The following CTNNA2 variants were observed in gnomAD, a reference collection of about 807,000 sequenced individuals.
CTNNA2 encodes catenin alpha 2, also known as catenin alpha-2.
A neutral mutation model predicts 101.0 loss-of-function variants in CTNNA2; 42 were observed. The observed-to-expected ratio is 0.42, with a 90% confidence interval of 0.32 to 0.54. The LOEUF (loss-of-function observed/expected upper bound fraction) is 0.54. Ranked by LOEUF, CTNNA2 falls within the 20% of genes least tolerant of loss-of-function variation. The probability of loss-of-function intolerance (pLI) is 0.14; values close to 1 mark genes in which losing one functional copy is unlikely to be tolerated. For synonymous variants in CTNNA2, 450 were observed against 456.4 expected, an observed-to-expected ratio of 0.99 and a Z score of 0.18; for missense variants, 871 against 1,223.1, an observed-to-expected ratio of 0.71 and a Z score of 4.29.
In CTNNA2 at chr2:79,949,256, G is replaced by A. The variant is rs1286571253; in HGVS notation, c.1056+39459G>A. 2.6e-5 allele frequency among the ~76,000 whole-genome samples: 4 copies of A among 152,140 alleles called. No homozygotes were observed. The East Asian group carries it at 7.7e-4, about 29-fold the overall frequency. On this transcript the variant is annotated intron_variant, in intron 7 of 18. Coordinates refer to ENST00000402739, the MANE Select transcript of CTNNA2 (RefSeq NM_001282597.3). ...GTTATGACCCCCAAGGCCTTGTTTA[G>A]ATTTGATGAAGGAATAACGTGCGTG...
intron 3 of CTNNA2, among the ~76,000 whole-genome samples, chr2:79,846,440 G>A (rs1451400905): frequency 2.6e-5 from 4 of 152,114 alleles, no homozygotes; most frequent in Non-Finnish European, 4.4e-5. Context: ...TCAGTGATGC[G>A]AGTATTATTC....
intron 2 of CTNNA2, among the ~76,000 whole-genome samples, chr2:79,215,147 C>G (rs1674234065): frequency 6.6e-6 from 1 of 152,114 alleles, no homozygotes; most frequent in Admixed American, 6.6e-5. Flanking sequence ...TCCAGGGGCT[C>G]TGGGAGTGGC....
chr2:79,782,244 T>C lies in CTNNA2; in HGVS notation c.298+37662T>C, dbSNP rs1033170764. Among the ~76,000 whole-genome samples the C allele has an allele frequency of 3.3e-5, 5 of 152,238 alleles. No individual in the cohort carries two copies. In the East Asian group the frequency reaches 9.7e-4, roughly 29 times the overall value. Reference sequence around the variant, plus strand: ...CTTGCCTTCTTTTATTTTTATATTTTATTTTTTTGGAGACTGAGTTTCACT... The same window carrying C: ...CTTGCCTTCTTTTATTTTTATATTTCATTTTTTTGGAGACTGAGTTTCACT... On this transcript the variant is annotated intron_variant, in intron 3 of 18. Transcript: ENST00000402739.
intron 4 of CTNNA2, among the ~76,000 whole-genome samples, chr2:79,427,106 G>T (rs1678599334): frequency 6.6e-6 from 1 of 151,856 alleles, no homozygotes; most frequent in South Asian, 2.1e-4. Context: ...TGAAGATATA[G>T]ATAATTCTGA....
At chr2:79,395,728 T>C (rs1260177870) in intron 4 of CTNNA2, among the ~76,000 whole-genome samples, 1 of 152,190 alleles carries the variant, frequency 6.6e-6, no homozygotes, top group Non-Finnish European at 1.5e-5. Flanking sequence ...AAAGCATTCC[T>C]ATCTGAGGAC....
At chr2:79,800,463 A>G (rs192867370) in intron 3 of CTNNA2, among the ~76,000 whole-genome samples, 3 of 152,266 alleles carry the variant, frequency 2.0e-5, no homozygotes, top group Non-Finnish European at 4.4e-5. Flanking sequence ...ATTTGTCAAT[A>G]CCTCAGTAAT....
chr2:79,559,976 T>G (rs1674676828), intron 1 of CTNNA2, among the ~76,000 whole-genome samples: 1 of 151,910 alleles, frequency 6.6e-6, no homozygotes, highest in African/African-American at 2.4e-5. Context: ...AGTTTGCCTG[T>G]GATCAAACAG....
At chr2:79,581,827 T>A (rs1210570501) in intron 1 of CTNNA2, among the ~76,000 whole-genome samples, 1 of 152,256 alleles carries the variant, frequency 6.6e-6, no homozygotes, top group African/African-American at 2.4e-5. Context: ...ATGTTTTAAA[T>A]TCTAAATGTT....
At chr2:79,742,880 T>C (rs1671388655) in intron 2 of CTNNA2, among the ~76,000 whole-genome samples, 1 of 152,216 alleles carries the variant, frequency 6.6e-6, no homozygotes, top group Admixed American at 6.5e-5. Flanking sequence ...AACCCTGCAC[T>C]AATCACCTCT....
At chr2:80,261,388 T>C (rs1672595299) in intron 7 of CTNNA2, among the ~76,000 whole-genome samples, 1 of 152,006 alleles carries the variant, frequency 6.6e-6, no homozygotes, top group South Asian at 2.1e-4. Flanking sequence ...TAGGTTAGAA[T>C]GTACCTCAGA....
intron 1 of CTNNA2, among the ~76,000 whole-genome samples, chr2:79,197,154 T>G (rs1673972016): frequency 6.6e-6 from 1 of 152,158 alleles, no homozygotes; most frequent in Admixed American, 6.5e-5. Context: ...TCCAGAGATA[T>G]GCACTATGTG....
intron 14 of CTNNA2, among the ~76,000 whole-genome samples, chr2:80,583,221 C>T (rs1695690822): frequency 1.3e-5 from 2 of 152,098 alleles, no homozygotes; most frequent in Admixed American, 6.6e-5. Context: ...AAATAATAGG[C>T]ACAATATTAG....
intron 4 of CTNNA2, among the ~76,000 whole-genome samples, chr2:79,435,528 T>C (rs114468909): frequency 1.9e-3 from 285 of 152,324 alleles, no homozygotes; most frequent in Non-Finnish European, 3.3e-3. Flanking sequence ...GAGATAAACC[T>C]GAAAAAGGTA....
At chr2:79,891,364 T>G (rs1351095387) in intron 6 of CTNNA2, among the ~76,000 whole-genome samples, 1 of 152,232 alleles carries the variant, frequency 6.6e-6, no homozygotes, top group Non-Finnish European at 1.5e-5. Context: ...CTCTAATTAA[T>G]TTGAATATAT....
At chr2:79,678,204 T>G (rs1039547060) in intron 2 of CTNNA2, among the ~76,000 whole-genome samples, 6 of 152,176 alleles carry the variant, frequency 3.9e-5, no homozygotes, top group African/African-American at 1.4e-4. Flanking sequence ...ACTCCTAATT[T>G]TAATGCTCCA....
chr2:80,249,579 A>T (rs1405045167), intron 7 of CTNNA2, among the ~76,000 whole-genome samples: 1 of 152,236 alleles, frequency 6.6e-6, no homozygotes, highest in Non-Finnish European at 1.5e-5. Context: ...TATATTAATT[A>T]AAAAAGAAGA....
At chr2:79,963,498 A>G (rs1689808858) in intron 7 of CTNNA2, among the ~76,000 whole-genome samples, 1 of 152,174 alleles carries the variant, frequency 6.6e-6, no homozygotes, top group Admixed American at 6.5e-5. Context: ...ATGCATCTCA[A>G]CACTGCATTC....
intron 7 of CTNNA2, among the ~76,000 whole-genome samples, chr2:80,040,699 C>T (rs912339760): frequency 2.6e-5 from 4 of 152,228 alleles, no homozygotes; most frequent in Admixed American, 2.6e-4. Context: ...GAATAATTCA[C>T]TCCCAGGCCT....
rs142677608 is a variant in CTNNA2 at position 79,199,603 on chromosome 2, C to A, written c.-406+1527C>A. Among the ~76,000 whole-genome samples the A allele has an allele frequency of 3.2e-3, 493 of 152,146 alleles. 3 individuals are homozygous for A. The highest frequency in any genetic ancestry group is 0.011 in the African/African-American group (476 of 41,492). ...CATTTTGTGGCGTTGGACTGACCAG[C>A]ACAAAAACTATATGAATAATAGTTG... is the stretch of plus-strand genomic sequence containing the variant. On this transcript the variant is annotated intron_variant, in intron 2 of 21. Coordinates refer to the CTNNA2 transcript ENST00000466387.
Sources: allele counts gnomAD v4.1 joint callset (sites outside exome capture counted in the v4.1 genomes callset), GRCh38; gene constraint gnomAD v4.1.1; transcripts MANE v1.5; gene names NCBI Gene and HGNC (gene_info 2026-07-23, HGNC 2026-07-21).